CACNA2D3: variants seen among roughly 807,000 people sequenced by gnomAD.
CACNA2D3 encodes the protein voltage-dependent calcium channel subunit alpha-2/delta-3.
Under a neutral mutation model 160.6 loss-of-function variants are expected in CACNA2D3, and 60 were observed. That is an observed-to-expected ratio of 0.37 (90% CI 0.30 to 0.46). The LOEUF is 0.46. Ranked by LOEUF, CACNA2D3 falls within the 20% of genes least tolerant of loss-of-function variation. The pLI is 1.00. For missense variants in CACNA2D3, 1,205 were observed against 1,365.0 expected (o/e 0.88, Z 1.85); for synonymous variants, 558 against 492.9 (o/e 1.13, Z -1.75).
At chr3:54,316,632 C>T (rs1202913095) in intron 2 of CACNA2D3, among the ~76,000 whole-genome samples, 1 of 152,146 alleles carries the variant, frequency 6.6e-6, no homozygotes, top group Non-Finnish European at 1.5e-5. Flanking sequence ...ATCTGGAATC[C>T]ACAGCTTGGC....
chr3:55,033,889 G>GTAATATATATTATATATTAAA (rs1559469685), intron 35 of CACNA2D3, among the ~76,000 whole-genome samples: 2,320 of 91,096 alleles, frequency 0.025, 360 homozygotes, highest in African/African-American at 0.087. Context: ...TACATATTAA[G>GTAATATATATTATATATTAAA]TATATTTAAT....
intron 11 of CACNA2D3, among the ~76,000 whole-genome samples, chr3:54,684,236 A>G (rs1700408374): frequency 6.6e-6 from 1 of 152,122 alleles, no homozygotes. Flanking sequence ...CTGGGATTAC[A>G]GCTGTAAGCC....
intron 31 of CACNA2D3, among the ~76,000 whole-genome samples, chr3:54,990,223 A>G (rs1702708669): frequency 6.6e-6 from 1 of 152,128 alleles, no homozygotes; most frequent in Admixed American, 6.5e-5. Flanking sequence ...ATAGTCTTAT[A>G]CCCAGTCCTA....
chr3:54,924,553 G>C, intron 27 of CACNA2D3: 11 of 1,305,918 alleles, frequency 8.4e-6, no homozygotes, highest in Non-Finnish European at 1.2e-5. Flanking sequence ...CTAATGCAGA[G>C]AACAGATGAG....
At chr3:55,002,335 G>T (rs1703001279) in intron 31 of CACNA2D3, among the ~76,000 whole-genome samples, 2 of 152,144 alleles carry the variant, frequency 1.3e-5, no homozygotes, top group South Asian at 2.1e-4. Context: ...ATTGGGCAGT[G>T]GGAAAAGGAT....
chr3:54,460,118 G>T (rs1427670300), intron 4 of CACNA2D3, among the ~76,000 whole-genome samples: 9 of 151,472 alleles, frequency 5.9e-5, no homozygotes, highest in Non-Finnish European at 1.0e-4. Context: ...GCTCTGTTCT[G>T]TTCCATTGAT....
chr3:54,949,801 CT>C (rs1276841272), intron 27 of CACNA2D3, among the ~76,000 whole-genome samples: 1 of 46,082 alleles, frequency 2.2e-5, no homozygotes, highest in African/African-American at 5.7e-5. Flanking sequence ...GGATGGAAGA[CT>C]TTTTTTGCCT....
At chr3:54,486,383 AGGGAAG>A (rs1701015674) in intron 4 of CACNA2D3, among the ~76,000 whole-genome samples, 1 of 152,224 alleles carries the variant, frequency 6.6e-6, no homozygotes, top group South Asian at 2.1e-4. Flanking sequence ...ACTGAGATTC[AGGGAAG>A]CCAACCTAAC....
chr3:54,430,819 G>T (rs1699978816), intron 4 of CACNA2D3, among the ~76,000 whole-genome samples: 2 of 152,144 alleles, frequency 1.3e-5, no homozygotes, highest in African/African-American at 2.4e-5. Context: ...ACTGATAACA[G>T]TTGACCCTTA....
intron 10 of CACNA2D3, among the ~76,000 whole-genome samples, chr3:54,632,962 G>C (rs551862636): frequency 1.3e-5 from 2 of 152,160 alleles, no homozygotes; most frequent in South Asian, 2.1e-4. Context: ...ACCTACTAAC[G>C]TGACAGTGTC....
intron 2 of CACNA2D3, among the ~76,000 whole-genome samples, chr3:54,127,144 C>T (rs1017997072): frequency 6.6e-6 from 1 of 152,156 alleles, no homozygotes; most frequent in African/African-American, 2.4e-5. Flanking sequence ...AACCAATGTT[C>T]ACGGGAATGA....
chr3:54,764,304 G>A lies in CACNA2D3; in HGVS notation c.1333G>A (p.Asp445Asn), dbSNP rs748837593. ...LHVLSRPKVI[D>N]QEHDVVWTEA... ...CGTGCTTAGCCGGCCCAAAGTCATC[G>A]ACCAGGAGCATGATGTGGTGTGGAC... Residue 445 changes from aspartate (D) to asparagine (N), a missense_variant, in exon 13 of 38, where the codon GAC becomes AAC. By Grantham distance (23) the Asp-to-Asn change is conservative. Coordinates refer to ENST00000474759, the MANE Select transcript of CACNA2D3 (RefSeq NM_018398.3). 2.3e-5 allele frequency: 37 copies of A among 1,613,700 alleles called. No homozygotes were observed. The highest frequency in any genetic ancestry group is 3.0e-5 in the Non-Finnish European group (35 of 1,179,834).
chr3:54,421,778 A>G (rs767535988), intron 4 of CACNA2D3, among the ~76,000 whole-genome samples: 4 of 152,136 alleles, frequency 2.6e-5, no homozygotes, highest in Non-Finnish European at 5.9e-5. Flanking sequence ...TGAGCAGTGT[A>G]TTGCCCTAGG....
chr3:54,443,645 T>C (rs1326208219), intron 4 of CACNA2D3, among the ~76,000 whole-genome samples: 2 of 152,206 alleles, frequency 1.3e-5, no homozygotes, highest in South Asian at 2.1e-4. Context: ...TGGCATTTGC[T>C]CTGCTTCCCA....
At chr3:55,040,903 C>G (rs1703945522) in intron 35 of CACNA2D3, among the ~76,000 whole-genome samples, 1 of 152,144 alleles carries the variant, frequency 6.6e-6, no homozygotes, top group African/African-American at 2.4e-5. Flanking sequence ...CCTATTTTCT[C>G]TCTCTCCTAA....
intron 2 of CACNA2D3, among the ~76,000 whole-genome samples, chr3:54,160,181 A>G (rs965173645): frequency 1.3e-5 from 2 of 152,246 alleles, no homozygotes; most frequent in Admixed American, 6.5e-5. Context: ...CCTAATGTTC[A>G]GATGCTCCCT....
At chr3:54,997,416 C>G (rs992437984) in intron 31 of CACNA2D3, among the ~76,000 whole-genome samples, 2 of 151,996 alleles carry the variant, frequency 1.3e-5, no homozygotes, top group Admixed American at 6.6e-5. Flanking sequence ...TATAAAATTA[C>G]TTTGGCCCGG....
Position 54,390,825 on chromosome 3 carries a change from G to A in CACNA2D3, c.381+4051G>A, listed in dbSNP as rs765537180. On this transcript the variant is annotated intron_variant, in intron 4 of 37. Coordinates refer to ENST00000474759, the MANE Select transcript of CACNA2D3 (RefSeq NM_018398.3). ...TCTGAATTTATTACTATGATGGTCC[G>A]TTAGAGCTGATCAATTGTTAATCTG... Among the ~76,000 whole-genome samples, 11 of 152,104 alleles carry A rather than the reference G, an allele frequency of 7.2e-5. 1 individual carries two copies. The highest frequency in any genetic ancestry group is 3.9e-4 in the Admixed American group (6 of 15,272).
At chr3:54,473,737 A>G (rs1339160163) in intron 4 of CACNA2D3, among the ~76,000 whole-genome samples, 1 of 152,240 alleles carries the variant, frequency 6.6e-6, no homozygotes, top group Non-Finnish European at 1.5e-5. Flanking sequence ...ATCAACAGAC[A>G]CTTCTCAAAA....
Sources: gnomAD v4.1 joint callset for allele counts (sites outside exome capture counted in the v4.1 genomes callset) on GRCh38, gnomAD v4.1.1 for gene constraint, MANE v1.5 for transcripts, NCBI Gene and HGNC (gene_info 2026-07-23, HGNC 2026-07-21) for gene names.